SORCS3: variants seen among roughly 807,000 people sequenced by gnomAD.
SORCS3 encodes the protein VPS10 domain-containing receptor SorCS3.
A neutral mutation model predicts 146.3 loss-of-function variants in SORCS3; 57 were observed. The ratio of observed to expected loss-of-function variants is 0.39; its 90% CI spans 0.31 to 0.49. SORCS3 has a LOEUF of 0.49. SORCS3 is among the 20% of genes least tolerant of loss of function. SORCS3 has a pLI of 0.92. For synonymous variants in SORCS3, 653 were observed against 618.5 expected, an observed-to-expected ratio of 1.06 and a Z score of -0.83; for missense variants, 1,341 against 1,575.5, an observed-to-expected ratio of 0.85 and a Z score of 2.52.
chr10:105,056,840 A>G (rs1263307564), intron 5 of SORCS3, among the ~76,000 whole-genome samples: 1 of 152,232 alleles, frequency 6.6e-6, no homozygotes, highest in East Asian at 1.9e-4. Flanking sequence ...TTTTAACACA[A>G]TACTTTCTTC....
intron 4 of SORCS3, among the ~76,000 whole-genome samples, chr10:105,042,309 C>T (rs2133703951): frequency 6.6e-6 from 1 of 152,334 alleles, no homozygotes; most frequent in African/African-American, 2.4e-5. Context: ...TTAGTAATAA[C>T]TGTCCTACCT....
chr10:105,104,358 A>T (rs533040070), intron 6 of SORCS3, among the ~76,000 whole-genome samples: 4 of 152,174 alleles, frequency 2.6e-5, no homozygotes, highest in Non-Finnish European at 5.9e-5. Flanking sequence ...ACTCACCTGT[A>T]GTTTTTCCTT....
At chr10:105,079,495 AT>A (rs1406713799) in intron 5 of SORCS3, among the ~76,000 whole-genome samples, 1 of 152,208 alleles carries the variant, frequency 6.6e-6, no homozygotes, top group Non-Finnish European at 1.5e-5. Flanking sequence ...ATATCTTGAG[AT>A]ACGGCAGGGT....
intron 1 of SORCS3, among the ~76,000 whole-genome samples, chr10:104,836,672 C>G (rs557608302): frequency 1.3e-5 from 2 of 152,128 alleles, no homozygotes; most frequent in Non-Finnish European, 2.9e-5. Flanking sequence ...ACTGACTACA[C>G]CAAGTGCAAT....
chr10:105,178,502 G>A (rs1299889024), intron 14 of SORCS3, among the ~76,000 whole-genome samples: 2 of 152,076 alleles, frequency 1.3e-5, no homozygotes, highest in Admixed American at 6.6e-5. Flanking sequence ...AAACAGTCTA[G>A]TGGGAGATAA....
intron 4 of SORCS3, among the ~76,000 whole-genome samples, chr10:105,006,522 T>C (rs898159253): frequency 2.6e-5 from 4 of 152,334 alleles, no homozygotes; most frequent in African/African-American, 9.6e-5. Context: ...AGTGGTATTA[T>C]GTCATCCTTG....
rs2017877693 is a variant in SORCS3, at chr10:104,821,966, A to G, written c.628-20826A>G. On this transcript the variant is annotated intron_variant, in intron 1 of 26. Transcript: ENST00000369701. ...TTGGAATAAAATAACCTTGAATGAA[A>G]CTTCAAGGTTGAATGACAGCAGTGT... 7.7e-6 allele frequency: 3 copies of G among 390,768 alleles called. No individual in the cohort carries two copies. The Admixed American group carries it at 1.0e-4, about 13-fold the overall frequency. The allele number at this position is 390,768 out of a possible 1,614,324, so 24.2% of individuals were successfully genotyped here.
chr10:105,151,413 G>T (rs868283269), intron 9 of SORCS3, among the ~76,000 whole-genome samples: 1 of 151,902 alleles, frequency 6.6e-6, no homozygotes, highest in Non-Finnish European at 1.5e-5. Flanking sequence ...GAAAATATTC[G>T]CACGTGTGAT....
At chr10:105,230,725 G>C (rs1482370020) in intron 20 of SORCS3, among the ~76,000 whole-genome samples, 1 of 152,196 alleles carries the variant, frequency 6.6e-6, no homozygotes, top group Non-Finnish European at 1.5e-5. Flanking sequence ...GCTAGGTGCA[G>C]TGGTGACTGT....
intron 1 of SORCS3, among the ~76,000 whole-genome samples, chr10:104,804,889 A>G (rs754097328): frequency 3.3e-5 from 5 of 152,064 alleles, no homozygotes; most frequent in East Asian, 1.9e-4. Flanking sequence ...GAAAGGGTGG[A>G]CTCTAGCTAG....
rs571311076 is a variant in SORCS3, at chr10:104,989,207, A to G, written c.954+11714A>G. 1.6e-4 allele frequency among the ~76,000 whole-genome samples: 25 copies of G among 152,310 alleles called. No homozygotes were observed. The East Asian group carries it at 4.6e-3, about 28-fold the overall frequency. ...TTAAACGGAGTTTGTGCACTTGGTA[A>G]TTTTTATAAAATCAAATGTCACAAT... On this transcript the variant is annotated intron_variant, in intron 4 of 26. Coordinates refer to ENST00000369701, the MANE Select transcript of SORCS3 (RefSeq NM_014978.3).
At chr10:105,224,404 T>G (rs1193344089) in intron 20 of SORCS3, among the ~76,000 whole-genome samples, 1 of 152,208 alleles carries the variant, frequency 6.6e-6, no homozygotes, top group Non-Finnish European at 1.5e-5. Context: ...CCATGTCTTT[T>G]CGTGTCTTGA....
At chr10:104,824,105 T>C (rs900790350) in intron 1 of SORCS3, among the ~76,000 whole-genome samples, 9 of 152,192 alleles carry the variant, frequency 5.9e-5, no homozygotes, top group Admixed American at 5.2e-4. Flanking sequence ...AATACCTTGA[T>C]TATAGCCAGT....
Position 105,262,470 on chromosome 10 carries a change from G to A in SORCS3, c.3583G>A (p.Glu1195Lys). 1.2e-6 allele frequency: 2 copies of A among 1,613,912 alleles called. No homozygotes were observed. Among genetic ancestry groups the A allele is most frequent in the Non-Finnish European group, 8.5e-7 (1 of 1,179,914 alleles). Reference protein sequence around the residue: ...FTEPEELLDKELDTRVIGGIA... With the variant: ...FTEPEELLDKKLDTRVIGGIA... ...GGAGCCTGAGGAGCTGCTGGACAAA[G>A]AGCTGGACACGCGGGTCATAGGTAC... Residue 1195 changes from glutamate to lysine, a missense_variant, in exon 26 of 27, where the codon GAG (glutamate) becomes AAG (lysine). Transcript: ENST00000369701.
chr10:105,100,043 C>T (rs1375777408), intron 6 of SORCS3, among the ~76,000 whole-genome samples: 1 of 152,160 alleles, frequency 6.6e-6, no homozygotes, highest in East Asian at 1.9e-4. Context: ...CTTGGTCCCA[C>T]GTCTGTATGG....
At chr10:104,761,010 G>T (rs953293750) in intron 1 of SORCS3, among the ~76,000 whole-genome samples, 1 of 151,658 alleles carries the variant, frequency 6.6e-6, no homozygotes, top group African/African-American at 2.4e-5. Context: ...AAACAGATCT[G>T]GTGCTTAAGG....
In SORCS3 at chr10:105,247,347, C is replaced by CT; in HGVS notation, c.3105+23dup. The CT allele has an allele frequency of 6.8e-7, 1 of 1,467,750 alleles. No individual in the cohort carries two copies. The highest frequency in any genetic ancestry group is 9.5e-7 in the Non-Finnish European group (1 of 1,049,934). The allele number at this position is 1,467,750 out of a possible 1,614,324, so 90.9% of individuals were successfully genotyped here. On this transcript the variant is annotated intron_variant, in intron 22 of 26. Coordinates refer to ENST00000369701, the MANE Select transcript of SORCS3 (RefSeq NM_014978.3). ...TCTGGTTAAAGTAAGTTGGCTTTGT[C>CT]TTTTTTTAAGTTCTTGTGAATAAAG...
chr10:105,087,105 A>T (rs528494489), intron 5 of SORCS3, among the ~76,000 whole-genome samples: 1 of 152,148 alleles, frequency 6.6e-6, no homozygotes, highest in African/African-American at 2.4e-5. Context: ...TAATTTTTGT[A>T]TAAGGTGTAA....
Position 104,747,541 on chromosome 10 carries a change from G to A in SORCS3, c.628-95251G>A, listed in dbSNP as rs142822893. 9.2e-5 allele frequency among the ~76,000 whole-genome samples: 14 copies of A among 152,296 alleles called. No individual in the cohort carries two copies. The East Asian group carries it at 2.7e-3, about 29-fold the overall frequency. ...ATGACAGATGCATGGAGTTCCTGGA[G>A]AGTTAATGAGAGGCTAATCTAACCT... is the stretch of plus-strand genomic sequence containing the variant. On this transcript the variant is annotated intron_variant, in intron 1 of 26. Coordinates refer to ENST00000369701, the MANE Select transcript of SORCS3 (RefSeq NM_014978.3).
Sources: gnomAD v4.1 joint callset for allele counts (sites outside exome capture counted in the v4.1 genomes callset) on GRCh38, gnomAD v4.1.1 for gene constraint, MANE v1.5 for transcripts, NCBI Gene and HGNC (gene_info 2026-07-23, HGNC 2026-07-21) for gene names.